Variants in PPRC1 observed in about 807,000 individuals in gnomAD.
The protein encoded by PPRC1 is PPARG related coactivator 1, also known as peroxisome proliferator-activated receptor gamma coactivator-related protein 1.
Under a neutral mutation model 132.5 loss-of-function variants are expected in PPRC1, and 23 were observed. The observed-to-expected ratio is 0.17, with a 90% CI of 0.12 to 0.25. The LOEUF (loss-of-function observed/expected upper bound fraction) is 0.25. Ranked by LOEUF, PPRC1 falls within the 10% of genes least tolerant of loss-of-function variation. The pLI is 1.00. For missense variants in PPRC1, 2,006 were observed against 2,089.1 expected, an observed-to-expected ratio of 0.96 and a Z score of 0.78; for synonymous variants, 872 against 833.5, an observed-to-expected ratio of 1.05 and a Z score of -0.80.
At position 102,148,571 on chromosome 10, in the gene PPRC1, G is replaced by A. The variant is rs754468865; in HGVS notation, c.4550+50G>A. On this transcript the variant is annotated intron_variant, in intron 10 of 13. Transcript: ENST00000278070. The surrounding 1 kb of genome is among the most constrained non-coding windows in gnomAD (Gnocchi z 4.2). Reference sequence around the variant, plus strand: ...ATGCACCTGGGATGCAGGTGCCTAAGAGTTGAGTCTTGAATTGTCTTATGT... The same window carrying A: ...ATGCACCTGGGATGCAGGTGCCTAAAAGTTGAGTCTTGAATTGTCTTATGT... The A allele has an allele frequency of 6.2e-7, 1 of 1,612,908 alleles. No homozygotes were observed. Among genetic ancestry groups the A allele is most frequent in the East Asian group, 2.2e-5 (1 of 44,862 alleles).
the PPRC1 span, among the ~76,000 whole-genome samples, chr10:102,123,489 TCTCC>T: frequency 6.6e-6 from 1 of 152,162 alleles, no homozygotes; most frequent in African/African-American, 2.4e-5. Flanking sequence ...ATTCTCTCTC[TCTCC>T]CTCTGTATGT....
In PPRC1 at chr10:102,138,703, C is replaced by A. The variant is rs1177291946; in HGVS notation, c.427C>A (p.Leu143Ile). ...EILDNADSEN[L>I]SPFDSIPDSE... ...CTTGGACAATGCAGATTCTGAGAACCTTTCTCCATTTGACAGCATTCCTGA... is the reference window on the plus strand; with the variant it reads ...CTTGGACAATGCAGATTCTGAGAACATTTCTCCATTTGACAGCATTCCTGA... Residue 143 changes from leucine to isoleucine, a missense_variant, in exon 3 of 14, where the codon CTT becomes ATT. Physicochemically the swap from Leu to Ile is conservative, Grantham distance 5. Transcript: ENST00000278070. The A allele has an allele frequency of 6.2e-7, 1 of 1,614,214 alleles. No homozygotes were observed. Among genetic ancestry groups the A allele is most frequent in the Non-Finnish European group, 8.5e-7 (1 of 1,180,042 alleles).
chr10:102,120,401 G>T, the PPRC1 span: 7 of 984,256 alleles, frequency 7.1e-6, no homozygotes, highest in Non-Finnish European at 8.4e-6. Context: ...GTGTGCGTGT[G>T]CGTGTCTGTG....
chr10:102,139,804 G>T lies in PPRC1; in HGVS notation c.1296G>T (p.Glu432Asp). 1 of 1,614,218 alleles carries T rather than the reference G, an allele frequency of 6.2e-7. No homozygotes were observed. Among genetic ancestry groups the T allele is most frequent in the Non-Finnish European group, 8.5e-7 (1 of 1,180,040 alleles). ...CAGCCTGCTTATTGAAGCCCAGGGA[G>T]GTCGTGGAGCCGGTGGTGCCCAAGG... ...LDSACLLKPREVVEPVVPKEP... is the reference protein window; with the variant it reads ...LDSACLLKPRDVVEPVVPKEP... The change falls in exon 5 of 14, where the codon GAG (glutamate) becomes GAT (aspartate). Residue 432 changes from glutamate to aspartate, a missense_variant. Glu to Asp is a conservative substitution (Grantham distance 45). Around this residue, in one of 2 missense-constraint regions of PPRC1, gnomAD observed 1,914 missense variants for 1,917.2 expected, o/e 1.00. Coordinates refer to ENST00000278070, the MANE Select transcript of PPRC1 (RefSeq NM_015062.5).
chr10:102,144,381 C>G, intron 7 of PPRC1, 74 bp downstream of exon 7: 1 of 1,413,626 alleles, frequency 7.1e-7, no homozygotes, highest in Non-Finnish European at 9.9e-7. Flanking sequence ...GGACTGTCAA[C>G]TGGATGCCTC....
In PPRC1 at chr10:102,142,002, T is replaced by C; in HGVS notation, c.3494T>C (p.Ile1165Thr). 1 of 1,604,444 alleles carries C rather than the reference T, an allele frequency of 6.2e-7. No individual in the cohort carries two copies. The change falls in exon 5 of 14, where the codon ATT becomes ACT. Residue 1165 changes from isoleucine to threonine, a missense_variant and splice_region_variant. Physicochemically the swap from Ile to Thr is moderately conservative, Grantham distance 89 (BLOSUM62 -1). Transcript: ENST00000278070. Reference sequence around the variant, plus strand: ...GTGGTACAGGCTTTCATCAGTGAGATTGGTGAGTGACACACAGTTCCCCCA... The same window carrying C: ...GTGGTACAGGCTTTCATCAGTGAGACTGGTGAGTGACACACAGTTCCCCCA... Reference protein sequence around the residue: ...EDVVQAFISEIGIEASDLSSL... With the variant: ...EDVVQAFISETGIEASDLSSL...
chr10:102,148,871 G>C lies in PPRC1; in HGVS notation c.4672G>C (p.Glu1558Gln), dbSNP rs754235828. The C allele has an allele frequency of 2.5e-6, 4 of 1,614,206 alleles. No individual in the cohort carries two copies. The South Asian group carries it at 4.4e-5, about 18-fold the overall frequency. ...GATACCTGGCCGCATGACTCGATCA[G>C]AGCTGAAACAGAGGTTCTCCGTTTT... ...GKIPGRMTRSELKQRFSVFGE... is the reference protein window; with the variant it reads ...GKIPGRMTRSQLKQRFSVFGE... Residue 1558 changes from glutamate to glutamine, a missense_variant, in exon 12 of 14, where the codon GAG (glutamate) becomes CAG (glutamine). Physicochemically the swap from Glu to Gln is conservative, Grantham distance 29. Coordinates refer to ENST00000278070, the MANE Select transcript of PPRC1 (RefSeq NM_015062.5). This position sits in a 1 kb window ranked among gnomAD's most constrained non-coding sequence, Gnocchi z 4.2.
At chr10:102,129,948 A>G (rs1466759019), upstream of PPRC1, among the ~76,000 whole-genome samples, 4 of 152,190 alleles carry the variant, frequency 2.6e-5, no homozygotes, top group Non-Finnish European at 4.4e-5. Flanking sequence ...AGGAAAAACT[A>G]TGCCATCTGT....
chr10:102,125,649 G>A, the PPRC1 span, among the ~76,000 whole-genome samples: 1 of 152,034 alleles, frequency 6.6e-6, no homozygotes, highest in East Asian at 1.9e-4. Context: ...TTAGGAAAGG[G>A]GAAGGGAAGA....
the PPRC1 span, among the ~76,000 whole-genome samples, chr10:102,125,670 A>C: frequency 6.6e-6 from 1 of 152,152 alleles, no homozygotes; most frequent in Non-Finnish European, 1.5e-5. Flanking sequence ...GGAGCCTTAC[A>C]AAAAGGCAGA....
At chr10:102,124,008 AAATT>A in the PPRC1 span, among the ~76,000 whole-genome samples, 1 of 151,076 alleles carries the variant, frequency 6.6e-6, no homozygotes, top group East Asian at 2.0e-4. Flanking sequence ...GCCTGGCTAA[AAATT>A]AACCATTTTT....
At chr10:102,145,121 AT>A in intron 8 of PPRC1, 31 bp downstream of exon 8, 1 of 1,579,996 alleles carries the variant, frequency 6.3e-7, no homozygotes, top group Non-Finnish European at 8.7e-7. Context: ...TCTGCCTGTG[AT>A]TAGTCTATGC....
rs182209839 is a variant in PPRC1, at chr10:102,148,426, A to G, written c.4455A>G (p.Ser1485=). Reference sequence around the variant, plus strand: ...GAAGATGCTCTTCCTCTTCTTCGTCATCATCTTCCTCTTCGTCTTCCTCAT... The same window carrying G: ...GAAGATGCTCTTCCTCTTCTTCGTCGTCATCTTCCTCTTCGTCTTCCTCAT... ...RSRRCSSSSS[S]SSSSSSSSSS... is the part of the protein sequence containing the mutation. The change falls in exon 10 of 14, where the codon TCA becomes TCG. Residue 1485 remains serine, a synonymous_variant. Coordinates refer to ENST00000278070, the MANE Select transcript of PPRC1 (RefSeq NM_015062.5). The surrounding 1 kb of genome is among the most constrained non-coding windows in gnomAD (Gnocchi z 4.2). 3.7e-6 allele frequency: 6 copies of G among 1,611,942 alleles called. No individual in the cohort carries two copies. The highest frequency in any genetic ancestry group is 4.5e-5 in the East Asian group (2 of 44,864).
chr10:102,146,526 T>C, intron 8 of PPRC1, 146 bp from the exon 9 acceptor site: 1 of 1,166,952 alleles, frequency 8.6e-7, no homozygotes, highest in South Asian at 1.6e-5. Flanking sequence ...AAGGGGCAGT[T>C]GAAGCAGTGG....
rs775748783 is a variant in PPRC1, at chr10:102,139,719, A to G, written c.1211A>G (p.Lys404Arg). Residue 404 changes from lysine to arginine, a missense_variant, in exon 5 of 14, where the codon AAG (lysine) becomes AGG (arginine). This residue lies in a region of PPRC1 where 1,914 missense variants were observed against 1,917.2 expected (regional missense o/e 1.00). Coordinates refer to ENST00000278070, the MANE Select transcript of PPRC1 (RefSeq NM_015062.5). The part of the protein sequence containing the change: ...LESETEAAVP[K>R]VTLCSEKEGL... ...TCAGAGACAGAGGCTGCTGTGCCCA[A>G]GGTAACCCTCTGCTCTGAGAAAGAG... is the stretch of plus-strand genomic sequence containing the variant. The G allele has an allele frequency of 2.5e-6, 4 of 1,614,130 alleles. No homozygotes were observed. The highest frequency in any genetic ancestry group is 2.2e-5 in the East Asian group (1 of 44,882).
At chr10:102,145,986 G>C (rs2069227686) in intron 8 of PPRC1, among the ~76,000 whole-genome samples, 1 of 152,222 alleles carries the variant, frequency 6.6e-6, no homozygotes, top group South Asian at 2.1e-4. Flanking sequence ...ACTCTATCAG[G>C]TGGTAGATTT....
rs1197364259 is a variant in PPRC1, at chr10:102,140,603, T to A, written c.2095T>A (p.Ser699Thr). The change falls in exon 5 of 14, where the codon TCA becomes ACA. Residue 699 changes from serine (S) to threonine (T), a missense_variant. Around this residue, in one of 2 missense-constraint regions of PPRC1, gnomAD observed 1,914 missense variants for 1,917.2 expected, o/e 1.00. Coordinates refer to ENST00000278070, the MANE Select transcript of PPRC1 (RefSeq NM_015062.5). ...RPTDPRRGAV[S>T]SALGGSAPQL... ...AACTGATCCCAGACGTGGTGCAGTG[T>A]CATCAGCCCTGGGGGGTTCAGCACC... is the stretch of plus-strand genomic sequence containing the variant. The A allele has an allele frequency of 6.2e-7, 1 of 1,614,070 alleles. No homozygotes were observed. The highest frequency in any genetic ancestry group is 2.2e-5 in the East Asian group (1 of 44,880).
the PPRC1 span, among the ~76,000 whole-genome samples, chr10:102,125,257 AT>A: frequency 6.7e-3 from 803 of 119,774 alleles, 1 homozygote; most frequent in African/African-American, 0.015. Context: ...CACCCAGTTA[AT>A]TTTTTTTTTT....
Position 102,139,397 on chromosome 10 carries a change from G to T in PPRC1, c.889G>T (p.Ala297Ser), listed in dbSNP as rs760369833. 3 of 1,614,266 alleles carry T rather than the reference G, an allele frequency of 1.9e-6. No homozygotes were observed. The highest frequency in any genetic ancestry group is 2.5e-6 in the Non-Finnish European group (3 of 1,180,052). Residue 297 changes from alanine to serine, a missense_variant, in exon 5 of 14, where the codon GCT (alanine) becomes TCT (serine). Ala to Ser is a moderately conservative substitution (Grantham distance 99, BLOSUM62 1). Around this residue, in one of 2 missense-constraint regions of PPRC1, gnomAD observed 1,914 missense variants for 1,917.2 expected, o/e 1.00. Coordinates refer to ENST00000278070, the MANE Select transcript of PPRC1 (RefSeq NM_015062.5). ...ATAAEMAVPA[A>S]GDESISSLSE... ...AGCAGCAGAGATGGCAGTGCCAGCA[G>T]CTGGTGATGAGAGCATCTCCTCCCT...
Sources: gnomAD v4.1 joint callset for allele counts (sites outside exome capture counted in the v4.1 genomes callset) on GRCh38, gnomAD v4.1.1 for gene constraint, gnomAD v4.1.1 regional missense constraint, Gnocchi (gnomAD v3.1) non-coding constraint, MANE v1.5 for transcripts, NCBI Gene and HGNC (gene_info 2026-07-23, HGNC 2026-07-21) for gene names.